The following CCNK variants were observed in gnomAD, a reference collection of about 807,000 sequenced individuals.
CCNK encodes cyclin-K.
A neutral mutation model predicts 65.0 loss-of-function variants in CCNK; 9 were observed. The ratio of observed to expected loss-of-function variants is 0.14; its 90% confidence interval spans 0.08 to 0.24. The LOEUF is 0.24. CCNK is among the 10% of genes least tolerant of loss of function. The pLI is 1.00. For synonymous variants in CCNK, 279 were observed against 270.8 expected, an observed-to-expected ratio of 1.03 and a Z score of -0.30; for missense variants, 474 against 720.0, an observed-to-expected ratio of 0.66 and a Z score of 3.91.
rs1028181926 is a variant in CCNK at position 99,481,431 on chromosome 14, C to T, written c.-101C>T. ...CCCGACATTCCATATACAAGATGGC[C>T]GCAGTCGGCAAGGAGAGACGTCGCT... On this transcript the variant is annotated 5_prime_UTR_variant, in exon 1 of 11. Transcript: ENST00000389879. The T allele has an allele frequency of 3.5e-5, 14 of 398,594 alleles. No individual in the cohort carries two copies. Among genetic ancestry groups the T allele is most frequent in the Non-Finnish European group, 5.3e-5 (12 of 226,104 alleles). The allele number at this position is 398,594 out of a possible 1,614,324, so 24.7% of individuals were successfully genotyped here.
chr14:99,509,971 T>C, intron 10 of CCNK, 186 bp from the exon 11 acceptor site: 1 of 634,432 alleles, frequency 1.6e-6, no homozygotes. Flanking sequence ...GAGGGCCTTC[T>C]TGACAGATGG....
At chr14:99,503,675 T>A (rs543575704) in intron 9 of CCNK, 31 bp downstream of exon 9, 2 of 1,531,294 alleles carry the variant, frequency 1.3e-6, no homozygotes, top group Non-Finnish European at 8.8e-7. Context: ...TTTTTTAGTT[T>A]TATGTGTTTA....
intron 9 of CCNK, chr14:99,506,797 AG>A: frequency 2.4e-6 from 1 of 422,104 alleles, no homozygotes; most frequent in Non-Finnish European, 4.4e-6. Context: ...CATGGTCGGA[AG>A]GACTTGAGTG....
chr14:99,509,407 G>A (rs945836139), intron 10 of CCNK: 6 of 152,346 alleles, frequency 3.9e-5, no homozygotes, highest in African/African-American at 1.2e-4. Context: ...CATGGGTTGG[G>A]AGGCGCTGTG....
At chr14:99,509,677 T>C in intron 10 of CCNK, 1 of 172,488 alleles carries the variant, frequency 5.8e-6, no homozygotes, top group East Asian at 1.8e-4. Flanking sequence ...ACACCGGGAA[T>C]GTCAGAGACT....
chr14:99,501,764 T>G (rs1219873309), intron 6 of CCNK: 1 of 254,952 alleles, frequency 3.9e-6, no homozygotes, highest in Admixed American at 5.2e-5. Flanking sequence ...AACACTCTTT[T>G]GAGAGGCCAG....
chr14:99,486,257 C>T (rs1404800409), intron 1 of CCNK, among the ~76,000 whole-genome samples: 1 of 152,146 alleles, frequency 6.6e-6, no homozygotes, highest in Non-Finnish European at 1.5e-5. Flanking sequence ...CTTCTTGGAC[C>T]AGTCTTTTTC....
At position 99,512,057 on chromosome 14, in the gene CCNK, T is replaced by TTTATCTA; in HGVS notation, c.*1276_*1282dup. On this transcript the variant is annotated 3_prime_UTR_variant, in exon 11 of 11. Coordinates refer to ENST00000389879, the MANE Select transcript of CCNK (RefSeq NM_001099402.2). ...CAGGAGGCTCACAAAGAGGCCTTTA[T>TTTATCTA]TTATCTAGCTCAAAGTAGACACTAT... 6.6e-6 allele frequency: 1 copy of TTTATCTA among 152,382 alleles called. No homozygotes were observed. Among genetic ancestry groups the TTTATCTA allele is most frequent in the East Asian group, 1.9e-4 (1 of 5,188 alleles). The allele number at this position is 152,382 out of a possible 1,614,324, so 9.4% of individuals were successfully genotyped here. A position where few individuals can be genotyped will look rare whatever the true frequency, so the allele number is the denominator to read the frequency against.
chr14:99,498,610 G>C (rs1460345898), intron 4 of CCNK, among the ~76,000 whole-genome samples: 1 of 152,198 alleles, frequency 6.6e-6, no homozygotes, highest in Non-Finnish European at 1.5e-5. Context: ...TTGGGCACTA[G>C]ACATGAGGCA....
intron 9 of CCNK, 167 bp from the exon 10 acceptor site, chr14:99,506,909 A>C: frequency 1.6e-6 from 1 of 612,432 alleles, no homozygotes; most frequent in Non-Finnish European, 3.0e-6. Context: ...TGTTAACAGG[A>C]TTCATGCATA....
At chr14:99,483,800 T>C (rs1191414819) in intron 1 of CCNK, among the ~76,000 whole-genome samples, 1 of 152,210 alleles carries the variant, frequency 6.6e-6, no homozygotes, top group Non-Finnish European at 1.5e-5. Flanking sequence ...CCTGGGGAGA[T>C]GTCTTTGGAG....
chr14:99,490,789 G>A lies in CCNK; in HGVS notation c.-52-1837G>A, dbSNP rs558804544. On this transcript the variant is annotated intron_variant, in intron 1 of 10. Transcript: ENST00000389879. Reference sequence around the variant, plus strand: ...AAAAATACAAAAAAATTAGCCAGGCGTGGTGGCGGGCGCCTGTAGTCCCAG... The same window carrying A: ...AAAAATACAAAAAAATTAGCCAGGCATGGTGGCGGGCGCCTGTAGTCCCAG... 3.3e-5 allele frequency among the ~76,000 whole-genome samples: 5 copies of A among 152,126 alleles called. No homozygotes were observed. The South Asian group carries it at 8.3e-4, about 25-fold the overall frequency.
Position 99,510,779 on chromosome 14 carries a change from A to G in CCNK, c.1740A>G (p.Arg580=). 1 of 1,440,630 alleles carries G rather than the reference A, an allele frequency of 6.9e-7. No individual in the cohort carries two copies. The highest frequency in any genetic ancestry group is 9.1e-7 in the Non-Finnish European group (1 of 1,098,140). The allele number at this position is 1,440,630 out of a possible 1,614,324, so 89.2% of individuals were successfully genotyped here. The change falls in exon 11 of 11, where the codon AGA becomes AGG. Residue 580 remains arginine (R), a synonymous_variant. Transcript: ENST00000389879. The part of the protein sequence containing the change: ...VGGLGRAAWM[R] ...GGCTGGGGCGGGCAGCCTGGATGAG[A>G]TAACGTGAGCCTTTTTTCCCTCTTT...
chr14:99,511,802 G>A lies in CCNK; in HGVS notation c.*1020G>A, dbSNP rs3918131. On this transcript the variant is annotated 3_prime_UTR_variant, in exon 11 of 11. Transcript: ENST00000389879. ...ACTTTGAAGCCTTGCTGCGTAGAAC[G>A]CACACAGGAACCCGGGGGCTTGGAT... is the stretch of plus-strand genomic sequence containing the variant. 0.042 allele frequency: 6,344 copies of A among 152,680 alleles called. 242 individuals carry two copies. Among genetic ancestry groups the A allele is most frequent in the African/African-American group, 0.1 (4,158 of 41,558 alleles). 9.5% of individuals were successfully genotyped at this position (152,680 alleles called of 1,614,324 possible).
Position 99,507,084 on chromosome 14 carries a change from C to A in CCNK, c.1054C>A (p.Pro352Thr). ...CTGCTTTTTCTTTGTAGAACCACCA[C>A]CACCTAAAATCCCCAAAATTGAGAC... is the stretch of plus-strand genomic sequence containing the variant. ...KEENKAAEPPPPKIPKIETTH... is the reference protein window; with the variant it reads ...KEENKAAEPPTPKIPKIETTH... Residue 352 changes from proline to threonine, a missense_variant, in exon 10 of 11, where the codon CCA becomes ACA. By Grantham distance (38) the Pro-to-Thr change is conservative. Transcript: ENST00000389879. 1 of 1,605,674 alleles carries A rather than the reference C, an allele frequency of 6.2e-7. No individual in the cohort carries two copies. Among genetic ancestry groups the A allele is most frequent in the Non-Finnish European group, 8.5e-7 (1 of 1,172,336 alleles).
rs765263924 is a variant in CCNK at position 99,507,122 on chromosome 14, G to A, written c.1092G>A (p.Pro364=). ...CCAAAATTGAGACCACTCATCCACCGTTGCCTCCAGCCCACCCACCTCCAG... is the reference window on the plus strand; with the variant it reads ...CCAAAATTGAGACCACTCATCCACCATTGCCTCCAGCCCACCCACCTCCAG... The part of the protein sequence containing the change: ...KIPKIETTHP[P]LPPAHPPPDR... The change falls in exon 10 of 11, where the codon CCG becomes CCA. Residue 364 remains proline (P), a synonymous_variant. Transcript: ENST00000389879. The A allele has an allele frequency of 2.0e-5, 33 of 1,610,612 alleles. No individual in the cohort carries two copies. In the Middle Eastern group the frequency reaches 6.6e-4, roughly 32 times the overall value.
chr14:99,496,567 G>T (rs567920739), intron 4 of CCNK, among the ~76,000 whole-genome samples: 1 of 151,880 alleles, frequency 6.6e-6, no homozygotes, highest in African/African-American at 2.4e-5. Flanking sequence ...AAAATTAACC[G>T]GGCGTGGTGG....
intron 4 of CCNK, among the ~76,000 whole-genome samples, chr14:99,496,555 A>G (rs985869060): frequency 4.0e-5 from 6 of 151,886 alleles, no homozygotes; most frequent in Non-Finnish European, 2.9e-5. Flanking sequence ...CTAAAAATAC[A>G]AAAAATTAAC....
intron 1 of CCNK, among the ~76,000 whole-genome samples, chr14:99,487,640 C>T (rs564292862): frequency 2.0e-5 from 3 of 152,206 alleles, no homozygotes; most frequent in African/African-American, 7.2e-5. Context: ...CAAAAACAGG[C>T]AAAACAAATT....
Sources: allele counts gnomAD v4.1 joint callset (sites outside exome capture counted in the v4.1 genomes callset), GRCh38; gene constraint gnomAD v4.1.1; transcripts MANE v1.5; gene names NCBI Gene and HGNC (gene_info 2026-07-23, HGNC 2026-07-21).